RANBP2: variants seen among roughly 807,000 people sequenced by gnomAD.
RANBP2 encodes the protein RAN binding protein 2.
In RANBP2, 57 loss-of-function variants were observed where a neutral mutation model predicts 303.6. The observed-to-expected ratio is 0.19, with a 90% CI of 0.15 to 0.23. The LOEUF is 0.23. Among genes scored for constraint, RANBP2 ranks in the 10% least tolerant of loss-of-function variants. The pLI is 1.00. For missense variants in RANBP2, 3,138 were observed against 3,780.8 expected (o/e 0.83, Z 4.46); for synonymous variants, 1,167 against 1,301.5 (o/e 0.90, Z 2.23).
the RANBP2 span, among the ~76,000 whole-genome samples, chr2:108,853,962 A>AT: frequency 1.7e-5 from 2 of 116,834 alleles, no homozygotes; most frequent in African/African-American, 6.6e-5. Context: ...AAATATATAT[A>AT]ATAAAATATA....
the RANBP2 span, among the ~76,000 whole-genome samples, chr2:109,015,420 T>C: frequency 1.3e-3 from 192 of 152,228 alleles, no homozygotes; most frequent in African/African-American, 4.5e-3. Context: ...TCCCTTATGC[T>C]TTTCTCAGTA....
the RANBP2 span, among the ~76,000 whole-genome samples, chr2:109,320,501 T>C: frequency 6.6e-6 from 1 of 152,174 alleles, no homozygotes; most frequent in Non-Finnish European, 1.5e-5. Flanking sequence ...AGTTATACCC[T>C]TTCATGCTCA....
chr2:108,811,578 G>T, the RANBP2 span, among the ~76,000 whole-genome samples: 1 of 151,574 alleles, frequency 6.6e-6, no homozygotes, highest in Non-Finnish European at 1.5e-5. Context: ...TGGTTTGTTG[G>T]TTTTTTTATT....
At chr2:109,144,797 C>A in the RANBP2 span, among the ~76,000 whole-genome samples, 1 of 152,234 alleles carries the variant, frequency 6.6e-6, no homozygotes, top group Admixed American at 6.5e-5. Context: ...GGAGCCTGAG[C>A]CACAGCAGAG....
At chr2:108,757,290 A>G (rs1289695440) in intron 17 of RANBP2, among the ~76,000 whole-genome samples, 1 of 152,196 alleles carries the variant, frequency 6.6e-6, no homozygotes, top group Non-Finnish European at 1.5e-5. Flanking sequence ...TTCAGCAGAG[A>G]TGAGGTAGCC....
the RANBP2 span, among the ~76,000 whole-genome samples, chr2:109,565,527 C>T: frequency 2.6e-5 from 4 of 152,114 alleles, no homozygotes; most frequent in African/African-American, 4.8e-5. Context: ...CAGAGTGCCC[C>T]ACTGGTGTTT....
At chr2:108,973,563 G>A in the RANBP2 span, among the ~76,000 whole-genome samples, 1 of 152,180 alleles carries the variant, frequency 6.6e-6, no homozygotes, top group Non-Finnish European at 1.5e-5. Flanking sequence ...GCCTGTGAGT[G>A]TGGCTCCTGG....
At chr2:109,277,514 G>A in the RANBP2 span, among the ~76,000 whole-genome samples, 3 of 152,312 alleles carry the variant, frequency 2.0e-5, no homozygotes, top group African/African-American at 7.2e-5. Flanking sequence ...CGAGCAGTCC[G>A]TGGAATACCA....
At chr2:108,840,634 C>T in the RANBP2 span, among the ~76,000 whole-genome samples, 1 of 151,894 alleles carries the variant, frequency 6.6e-6, no homozygotes, top group African/African-American at 2.4e-5. Flanking sequence ...ATTCTCTTAT[C>T]CTTTTGATGT....
chr2:108,884,306 A>G, the RANBP2 span: 1 of 152,218 alleles, frequency 6.6e-6, no homozygotes, highest in Non-Finnish European at 1.5e-5. Flanking sequence ...GTGAATGTCA[A>G]AGAAAACAGG....
chr2:109,185,201 T>C, the RANBP2 span, among the ~76,000 whole-genome samples: 1 of 152,218 alleles, frequency 6.6e-6, no homozygotes, highest in South Asian at 2.1e-4. Context: ...TAAAGGGTGG[T>C]TATTTTTCCG....
chr2:109,015,534 G>A, the RANBP2 span, among the ~76,000 whole-genome samples: 2 of 152,134 alleles, frequency 1.3e-5, no homozygotes, highest in Admixed American at 6.5e-5. Flanking sequence ...GAGGTGGGTG[G>A]ACAATTTGAG....
At chr2:109,419,490 G>C in the RANBP2 span, 4 of 1,533,698 alleles carry the variant, frequency 2.6e-6, no homozygotes, top group East Asian at 7.3e-5. Flanking sequence ...TCTTTCCCTT[G>C]GATGGAGTCT....
chr2:108,771,351 C>A (rs948585404), intron 20 of RANBP2, among the ~76,000 whole-genome samples: 3 of 151,908 alleles, frequency 2.0e-5, no homozygotes, highest in Middle Eastern at 3.2e-3. Flanking sequence ...TTTTGGTAAA[C>A]TATTGTATGC....
chr2:108,932,500 G>T, the RANBP2 span, among the ~76,000 whole-genome samples: 3 of 137,438 alleles, frequency 2.2e-5, no homozygotes, highest in South Asian at 7.1e-4. Flanking sequence ...CTGCACTCCA[G>T]CCTGGGCGAC....
chr2:108,947,791 G>T, the RANBP2 span, among the ~76,000 whole-genome samples: 1 of 152,146 alleles, frequency 6.6e-6, no homozygotes. Context: ...GGGAGAGGCT[G>T]GTGTGAAGAT....
At chr2:109,383,767 G>A in the RANBP2 span, among the ~76,000 whole-genome samples, 1 of 152,180 alleles carries the variant, frequency 6.6e-6, no homozygotes, top group Non-Finnish European at 1.5e-5. Flanking sequence ...CCTTGAAAGT[G>A]AGAGCAATTA....
Position 108,782,552 on chromosome 2 carries a change from T to C in RANBP2, c.9059T>C (p.Leu3020Pro). ...YADGEAKVEQ[L>P]AVRFKTKEVA... Reference sequence around the variant, plus strand: ...GATGGAGAAGCAAAAGTAGAACAGCTTGCAGTGAGATTTAAAACTAAAGAA... The same window carrying C: ...GATGGAGAAGCAAAAGTAGAACAGCCTGCAGTGAGATTTAAAACTAAAGAA... The change falls in exon 28 of 29, where the codon CTT becomes CCT. Residue 3020 changes from leucine to proline, a missense_variant. By Grantham distance (98) the Leu-to-Pro change is moderately conservative. Around this residue, in one of 20 missense-constraint regions of RANBP2, gnomAD observed 204 missense variants for 228.4 expected, o/e 0.89. Transcript: ENST00000283195. 1 of 1,614,204 alleles carries C rather than the reference T, an allele frequency of 6.2e-7. No homozygotes were observed. The highest frequency in any genetic ancestry group is 1.3e-5 in the African/African-American group (1 of 75,060).
the RANBP2 span, among the ~76,000 whole-genome samples, chr2:108,998,995 C>T: frequency 2.0e-5 from 3 of 152,210 alleles, no homozygotes; most frequent in African/African-American, 4.8e-5. Flanking sequence ...TTTGTGGTCT[C>T]AAGCCATTCT....
Sources: allele counts gnomAD v4.1 joint callset (sites outside exome capture counted in the v4.1 genomes callset), GRCh38; gene constraint gnomAD v4.1.1; regional missense constraint gnomAD v4.1.1; transcripts MANE v1.5; gene names NCBI Gene and HGNC (gene_info 2026-07-23, HGNC 2026-07-21).